The following FGGY variants were observed in gnomAD, a reference collection of about 807,000 sequenced individuals.
FGGY encodes FGGY carbohydrate kinase domain-containing protein.
Under a neutral mutation model 71.3 loss-of-function variants are expected in FGGY, and 72 were observed. That is an observed-to-expected ratio of 1.01 (90% CI 0.84 to 1.23). FGGY has a LOEUF of 1.23. Ranked by LOEUF, FGGY falls within the 50% of genes most tolerant of loss-of-function variation. The pLI, the probability that FGGY is intolerant of heterozygous loss-of-function variation, is 0.00. For synonymous variants in FGGY, 251 were observed against 250.3 expected, an observed-to-expected ratio of 1.00 and a Z score of -0.02; for missense variants, 668 against 682.3, an observed-to-expected ratio of 0.98 and a Z score of 0.23.
intron 12 of FGGY, among the ~76,000 whole-genome samples, chr1:59,666,664 C>T (rs1294416897): frequency 1.3e-5 from 2 of 152,158 alleles, no homozygotes; most frequent in Non-Finnish European, 2.9e-5. Flanking sequence ...CCTGAAACAA[C>T]CAGGGAATGG....
At chr1:59,454,019 A>AAG (rs897410990) in intron 5 of FGGY, among the ~76,000 whole-genome samples, 1 of 152,154 alleles carries the variant, frequency 6.6e-6, no homozygotes, top group African/African-American at 2.4e-5. Flanking sequence ...ATGGTACCTC[A>AAG]AGAGAGAGAG....
chr1:59,323,332 G>A (rs1429111623), intron 2 of FGGY, among the ~76,000 whole-genome samples: 1 of 152,198 alleles, frequency 6.6e-6, no homozygotes, highest in African/African-American at 2.4e-5. Flanking sequence ...CTTATCATCT[G>A]TTTGAGCCCT....
intron 5 of FGGY, among the ~76,000 whole-genome samples, chr1:59,415,062 G>A (rs1175729910): frequency 1.3e-5 from 2 of 152,162 alleles, no homozygotes; most frequent in Non-Finnish European, 2.9e-5. Flanking sequence ...GAGTCAGTGA[G>A]TCTGGGACAG....
intron 1 of FGGY, among the ~76,000 whole-genome samples, chr1:59,302,178 T>G (rs1454255091): frequency 6.6e-6 from 1 of 152,194 alleles, no homozygotes; most frequent in Non-Finnish European, 1.5e-5. Flanking sequence ...CTGAATTTTA[T>G]TAGCTGAAGT....
chr1:59,408,959 C>T (rs572942537), intron 5 of FGGY, among the ~76,000 whole-genome samples: 33 of 152,280 alleles, frequency 2.2e-4, no homozygotes, highest in Non-Finnish European at 4.1e-4. Context: ...ACTTTAACCA[C>T]GGCAGCCTTA....
chr1:59,379,788 C>G (rs2059159312), intron 5 of FGGY, among the ~76,000 whole-genome samples: 1 of 151,842 alleles, frequency 6.6e-6, no homozygotes. Context: ...TATTCTTATT[C>G]AATATGCTTT....
chr1:59,596,942 A>T (rs999814705), intron 8 of FGGY, among the ~76,000 whole-genome samples: 2 of 152,160 alleles, frequency 1.3e-5, no homozygotes, highest in African/African-American at 4.8e-5. Flanking sequence ...CCCCTTTGTT[A>T]TAGAGAAGAT....
intron 15 of FGGY, among the ~76,000 whole-genome samples, chr1:59,762,204 C>A (rs1456175117): frequency 6.6e-6 from 1 of 152,108 alleles, no homozygotes; most frequent in Non-Finnish European, 1.5e-5. Flanking sequence ...ATTCTCCTGC[C>A]TCAGCCTCCT....
chr1:59,600,746 G>C (rs1261390163), intron 8 of FGGY, among the ~76,000 whole-genome samples: 1 of 152,170 alleles, frequency 6.6e-6, no homozygotes, highest in East Asian at 1.9e-4. Flanking sequence ...CCCATCGACA[G>C]ATAAGGAAAC....
chr1:59,530,122 A>G (rs1338344589), intron 7 of FGGY, among the ~76,000 whole-genome samples: 1 of 152,138 alleles, frequency 6.6e-6, no homozygotes, highest in Non-Finnish European at 1.5e-5. Flanking sequence ...GATATCTAGT[A>G]TACTCACTCA....
At chr1:59,693,120 A>G (rs2154005328) in intron 14 of FGGY, among the ~76,000 whole-genome samples, 1 of 152,404 alleles carries the variant, frequency 6.6e-6, no homozygotes, top group East Asian at 1.9e-4. Context: ...CAGAAGGTTT[A>G]AATGGAATAA....
intron 4 of FGGY, among the ~76,000 whole-genome samples, chr1:59,370,259 T>C (rs958404833): frequency 2.0e-5 from 3 of 151,940 alleles, no homozygotes; most frequent in African/African-American, 4.8e-5. Flanking sequence ...GAGAACCACG[T>C]GAAGAATGCA....
At chr1:59,608,891 C>T (rs968634097) in intron 9 of FGGY, among the ~76,000 whole-genome samples, 2 of 152,104 alleles carry the variant, frequency 1.3e-5, no homozygotes, top group African/African-American at 4.8e-5. Flanking sequence ...ACCTCAGTGC[C>T]AGGTTCATAG....
intron 15 of FGGY, among the ~76,000 whole-genome samples, chr1:59,759,716 AATAG>A (rs1164863738): frequency 6.6e-6 from 1 of 152,222 alleles, no homozygotes; most frequent in Non-Finnish European, 1.5e-5. Flanking sequence ...CTCATTGCCT[AATAG>A]ATCACACTGT....
intron 14 of FGGY, among the ~76,000 whole-genome samples, chr1:59,702,935 T>C (rs1247301733): frequency 2.0e-5 from 3 of 151,738 alleles, no homozygotes; most frequent in African/African-American, 7.3e-5. Context: ...CTTGGGAGGG[T>C]TCTGGCTGTT....
intron 1 of FGGY, chr1:59,315,749 G>A (rs149345679): frequency 1.6e-3 from 239 of 152,320 alleles, no homozygotes; most frequent in African/African-American, 5.6e-3. Flanking sequence ...ATGTCTAGAT[G>A]AAAAATGTGT....
At chr1:59,419,588 A>G (rs188527924) in intron 5 of FGGY, among the ~76,000 whole-genome samples, 1 of 152,316 alleles carries the variant, frequency 6.6e-6, no homozygotes, top group Admixed American at 6.5e-5. Context: ...TTGGAGTTGT[A>G]CGGGGAAACT....
chr1:59,662,387 T>C (rs540448728), intron 12 of FGGY, among the ~76,000 whole-genome samples: 3 of 151,864 alleles, frequency 2.0e-5, no homozygotes, highest in Non-Finnish European at 2.9e-5. Flanking sequence ...TACACACACC[T>C]GATTTAACCT....
In FGGY at chr1:59,338,363, G is replaced by A. The variant is rs564961702; in HGVS notation, c.202-1595G>A. Among the ~76,000 whole-genome samples the A allele has an allele frequency of 2.2e-3, 342 of 152,234 alleles. 2 individuals are homozygous for A. Among genetic ancestry groups the A allele is most frequent in the African/African-American group, 8.0e-3 (331 of 41,540 alleles). On this transcript the variant is annotated intron_variant, in intron 2 of 15. Transcript: ENST00000303721. ...CTGGCTATGTAATATTTGTTGGAAAGTGTTCCCTTCTTCACTGTATTTTAG... is the reference window on the plus strand; with the variant it reads ...CTGGCTATGTAATATTTGTTGGAAAATGTTCCCTTCTTCACTGTATTTTAG...
Sources: gnomAD v4.1 joint callset for allele counts (sites outside exome capture counted in the v4.1 genomes callset) on GRCh38, gnomAD v4.1.1 for gene constraint, MANE v1.5 for transcripts, NCBI Gene and HGNC (gene_info 2026-07-23, HGNC 2026-07-21) for gene names.